Variants in EML6 observed in about 807,000 individuals in gnomAD.
EML6 encodes echinoderm microtubule-associated protein-like 6.
EML6 carries 154 observed loss-of-function variants against 240.1 expected under a neutral mutation model. That is an observed-to-expected ratio of 0.64 (90% CI 0.56 to 0.73). EML6 has a LOEUF of 0.73. EML6 is among the 30% of genes least tolerant of loss of function. The pLI is 0.00. For synonymous variants in EML6, 1,148 were observed against 899.0 expected (o/e 1.28, Z -4.95); for missense variants, 2,964 against 2,474.6 (o/e 1.20, Z -4.20).
At chr2:54,831,499 C>T (rs896442902) in intron 7 of EML6, among the ~76,000 whole-genome samples, 4 of 151,930 alleles carry the variant, frequency 2.6e-5, no homozygotes, top group African/African-American at 9.7e-5. Context: ...AGAGTTAGGA[C>T]AGTCAGCGAC....
rs1330545247 is a variant in EML6 at position 54,960,209 on chromosome 2, A to G, written c.4854-11A>G. On this transcript the variant is annotated splice_polypyrimidine_tract_variant and intron_variant, in intron 34 of 41. Coordinates refer to ENST00000356458, the MANE Select transcript of EML6 (RefSeq NM_001039753.4). ...GGGTTAACAGCCTGAGTCCCTTTCA[A>G]TCTTTTTTAGGACCAAAGAAGGAGG... The G allele has an allele frequency of 2.2e-5, 34 of 1,543,108 alleles. No homozygotes were observed. Among genetic ancestry groups the G allele is most frequent in the Non-Finnish European group, 2.9e-5 (33 of 1,139,496 alleles).
chr2:54,952,737 C>T lies in EML6; in HGVS notation c.4312+45C>T, dbSNP rs376570674. On this transcript the variant is annotated intron_variant, in intron 31 of 41. Coordinates refer to ENST00000356458, the MANE Select transcript of EML6 (RefSeq NM_001039753.4). ...CTGAGGCTCTCCCAGCTTGCAGGGA[C>T]GCTGACCTGTCAGCAATTATTGGGA... is the stretch of plus-strand genomic sequence containing the variant. The T allele has an allele frequency of 6.9e-5, 89 of 1,297,608 alleles. No individual in the cohort carries two copies. The African/African-American group carries it at 8.4e-4, about 12-fold the overall frequency. The allele number at this position is 1,297,608 out of a possible 1,614,324, so 80.4% of individuals were successfully genotyped here. A position where few individuals can be genotyped will look rare whatever the true frequency, so the allele number is the denominator to read the frequency against.
intron 22 of EML6, among the ~76,000 whole-genome samples, chr2:54,900,502 T>G (rs979330377): frequency 2.6e-5 from 4 of 152,330 alleles, no homozygotes; most frequent in Middle Eastern, 6.8e-3. Context: ...TCACTGGCCC[T>G]GGGCTTGAAG....
intron 19 of EML6, 125 bp from the exon 20 acceptor site, chr2:54,894,790 C>T: frequency 1.6e-6 from 1 of 608,760 alleles, no homozygotes; most frequent in Middle Eastern, 2.6e-4. Flanking sequence ...CAGAGTTTTC[C>T]ATCTCATATA....
intron 2 of EML6, among the ~76,000 whole-genome samples, chr2:54,738,767 A>G (rs567196559): frequency 3.9e-4 from 59 of 152,178 alleles, no homozygotes; most frequent in Non-Finnish European, 7.3e-4. Flanking sequence ...GTTGTGTGGA[A>G]ATACTGGAGT....
intron 35 of EML6, among the ~76,000 whole-genome samples, chr2:54,961,151 C>G (rs1167599188): frequency 2.3e-5 from 3 of 130,598 alleles, no homozygotes; most frequent in African/African-American, 8.7e-5. Context: ...GAAGGCAGGA[C>G]TATGCCTGGA....
At chr2:54,898,168 A>C (rs1489664224) in intron 21 of EML6, among the ~76,000 whole-genome samples, 1 of 152,144 alleles carries the variant, frequency 6.6e-6, no homozygotes, top group African/African-American at 2.4e-5. Context: ...GGTGATCAGC[A>C]GCAAAGCAGG....
rs75094549 is a variant in EML6 at position 54,827,299 on chromosome 2, A to G, written c.526-267A>G. Among the ~76,000 whole-genome samples the G allele has an allele frequency of 6.4e-3, 969 of 152,354 alleles. 8 individuals are homozygous for G. The highest frequency in any genetic ancestry group is 0.022 in the African/African-American group (909 of 41,582). ...ACTCTGAGAACATTATCTTCTATTA[A>G]ATCACCATTAAACAATGAGCAAAGC... On this transcript the variant is annotated intron_variant, in intron 5 of 41. Coordinates refer to ENST00000356458, the MANE Select transcript of EML6 (RefSeq NM_001039753.4).
At chr2:54,796,488 G>A (rs1264517871) in intron 2 of EML6, among the ~76,000 whole-genome samples, 1 of 150,224 alleles carries the variant, frequency 6.7e-6, no homozygotes, top group Non-Finnish European at 1.5e-5. Flanking sequence ...TTTTGTTTTG[G>A]TAAGTTTTTT....
chr2:54,869,946 A>C (rs1250173931), intron 15 of EML6, among the ~76,000 whole-genome samples: 1 of 152,222 alleles, frequency 6.6e-6, no homozygotes, highest in Non-Finnish European at 1.5e-5. Context: ...TCATTAACTT[A>C]TTAAAGACTT....
chr2:54,877,017 G>T (rs931974656), intron 16 of EML6, among the ~76,000 whole-genome samples: 1 of 149,882 alleles, frequency 6.7e-6, no homozygotes, highest in African/African-American at 2.5e-5. Context: ...AGGTCTCACT[G>T]TGTCACCCAG....
Position 54,902,447 on chromosome 2 carries a change from T to G in EML6, c.3125-597T>G, listed in dbSNP as rs527796964. ...CAGGGTCTCCCTCTGTCATCCAGTC[T>G]GGAGTGCCATGGCATGATCACTGCT... On this transcript the variant is annotated intron_variant, in intron 22 of 41. Coordinates refer to ENST00000356458, the MANE Select transcript of EML6 (RefSeq NM_001039753.4). Among the ~76,000 whole-genome samples, 161 of 152,338 alleles carry G rather than the reference T, an allele frequency of 1.1e-3. 2 individuals carry two copies. Among genetic ancestry groups the G allele is most frequent in the African/African-American group, 3.7e-3 (153 of 41,572 alleles).
chr2:54,892,794 A>G lies in EML6; in HGVS notation c.2742+138A>G, dbSNP rs557434753. On this transcript the variant is annotated intron_variant, in intron 19 of 41. Transcript: ENST00000356458. ...GAAGTAGTTGTCATAAAGCTCAGTC[A>G]AGAGACAATAGGGAGGAAAGCAAAG... 1.9e-5 allele frequency: 12 copies of G among 642,782 alleles called. No homozygotes were observed. In the South Asian group the frequency reaches 2.6e-4, roughly 14 times the overall value. 39.8% of individuals were successfully genotyped at this position (642,782 alleles called of 1,614,324 possible). A position where few individuals can be genotyped will look rare whatever the true frequency, so the allele number is the denominator to read the frequency against.
chr2:54,825,914 G>A (rs1668568383), intron 5 of EML6, among the ~76,000 whole-genome samples: 2 of 152,146 alleles, frequency 1.3e-5, no homozygotes, highest in Non-Finnish European at 2.9e-5. Flanking sequence ...CTGCCATGTG[G>A]CTTCATCTCA....
intron 11 of EML6, among the ~76,000 whole-genome samples, chr2:54,857,447 G>C (rs1051789287): frequency 2.0e-5 from 3 of 152,164 alleles, no homozygotes; most frequent in South Asian, 2.1e-4. Context: ...AGAAGTGTTC[G>C]TTAAATGCTG....
intron 2 of EML6, among the ~76,000 whole-genome samples, chr2:54,742,570 C>T (rs1572845449): frequency 6.6e-6 from 1 of 152,292 alleles, no homozygotes; most frequent in Non-Finnish European, 1.5e-5. Context: ...TGTGTCTCTC[C>T]ACCCCAGTTA....
At chr2:54,849,848 T>C in intron 9 of EML6, 114 bp from the exon 10 acceptor site, 2 of 792,458 alleles carry the variant, frequency 2.5e-6, no homozygotes, top group East Asian at 5.3e-5. Flanking sequence ...ATCCTTTAAT[T>C]CCTGCAGGTT....
rs1189196189 is a variant in EML6, at chr2:54,745,491, G to C, written c.197+20233G>C. ...GAAATGAAAAGGCACAAGACCTTAA[G>C]ACAGGCCAAGTCTGGTGGTCAATAT... is the stretch of plus-strand genomic sequence containing the variant. On this transcript the variant is annotated intron_variant, in intron 2 of 41. Coordinates refer to ENST00000356458, the MANE Select transcript of EML6 (RefSeq NM_001039753.4). Among the ~76,000 whole-genome samples, 3 of 152,134 alleles carry C rather than the reference G, an allele frequency of 2.0e-5. 1 individual carries two copies. The highest frequency in any genetic ancestry group is 7.2e-5 in the African/African-American group (3 of 41,428).
intron 2 of EML6, among the ~76,000 whole-genome samples, chr2:54,740,106 T>C (rs13396683): frequency 0.03 from 4,580 of 152,154 alleles, 217 homozygotes; most frequent in African/African-American, 0.096. Context: ...CATATTTAGA[T>C]TGAGGTGTCT....
Sources: gnomAD v4.1 joint callset for allele counts (sites outside exome capture counted in the v4.1 genomes callset) on GRCh38, gnomAD v4.1.1 for gene constraint, MANE v1.5 for transcripts, NCBI Gene and HGNC (gene_info 2026-07-23, HGNC 2026-07-21) for gene names.